The following ZDHHC14 variants were observed in gnomAD, a reference collection of about 807,000 sequenced individuals.
ZDHHC14 encodes the protein palmitoyltransferase ZDHHC14.
ZDHHC14 carries 16 observed loss-of-function variants against 47.7 expected under a neutral mutation model. That is an observed-to-expected ratio of 0.34 (90% CI 0.23 to 0.51). The LOEUF is 0.51. Among genes scored for constraint, ZDHHC14 ranks in the 20% least tolerant of loss-of-function variants. ZDHHC14 has a pLI of 0.97. For synonymous variants in ZDHHC14, 293 were observed against 278.9 expected, an observed-to-expected ratio of 1.05 and a Z score of -0.50; for missense variants, 515 against 662.5, an observed-to-expected ratio of 0.78 and a Z score of 2.44.
chr6:157,450,592 C>G (rs576413405), intron 1 of ZDHHC14, among the ~76,000 whole-genome samples: 7 of 151,038 alleles, frequency 4.6e-5, no homozygotes, highest in African/African-American at 1.5e-4. Flanking sequence ...TCTTTGCAAA[C>G]GAAAAGGTCT....
chr6:157,667,448 A>G (rs117020277), intron 8 of ZDHHC14, among the ~76,000 whole-genome samples: 2 of 152,298 alleles, frequency 1.3e-5, no homozygotes, highest in East Asian at 3.9e-4. Flanking sequence ...AGAGAGAGGT[A>G]GAAAGGAAGA....
At chr6:157,620,445 A>C (rs1230194699) in intron 3 of ZDHHC14, among the ~76,000 whole-genome samples, 1 of 152,236 alleles carries the variant, frequency 6.6e-6, no homozygotes. Context: ...GGGGACAAAT[A>C]TTCAAACCCT....
chr6:157,426,613 C>A (rs1413528713), intron 1 of ZDHHC14, among the ~76,000 whole-genome samples: 1 of 152,014 alleles, frequency 6.6e-6, no homozygotes, highest in Non-Finnish European at 1.5e-5. Flanking sequence ...ACTGGGGAAG[C>A]CCTGGCTGTG....
chr6:157,578,680 C>T (rs578067055), intron 2 of ZDHHC14, among the ~76,000 whole-genome samples: 67 of 152,138 alleles, frequency 4.4e-4, no homozygotes, highest in Admixed American at 1.3e-3. Context: ...ATGCTGTTCT[C>T]GTGATAGTGG....
chr6:157,628,634 C>T (rs184512813), intron 4 of ZDHHC14, 148 bp downstream of exon 4: 514 of 1,098,042 alleles, frequency 4.7e-4, no homozygotes, highest in Admixed American at 1.5e-3. Context: ...CAGCCTGCCT[C>T]GCTTTTGTTT....
intron 2 of ZDHHC14, among the ~76,000 whole-genome samples, chr6:157,551,245 C>G (rs956548249): frequency 3.9e-5 from 6 of 152,162 alleles, no homozygotes; most frequent in African/African-American, 1.2e-4. Flanking sequence ...CTGGCCACTG[C>G]AGGGCTCTGA....
intron 5 of ZDHHC14, among the ~76,000 whole-genome samples, chr6:157,643,051 A>C (rs1158114778): frequency 2.0e-5 from 3 of 152,194 alleles, no homozygotes; most frequent in Non-Finnish European, 4.4e-5. Flanking sequence ...TTCTCAAGCA[A>C]ATTACTTCAT....
At chr6:157,493,713 G>A (rs1030277345) in intron 1 of ZDHHC14, among the ~76,000 whole-genome samples, 5 of 152,242 alleles carry the variant, frequency 3.3e-5, no homozygotes, top group African/African-American at 4.8e-5. Flanking sequence ...AGGCATTTTG[G>A]GGTGCAGAAG....
Position 157,427,718 on chromosome 6 carries a change from T to C in ZDHHC14, c.245+45452T>C, listed in dbSNP as rs1778250131. Among the ~76,000 whole-genome samples the C allele has an allele frequency of 6.6e-6, 1 of 152,114 alleles. No homozygotes were observed. Among genetic ancestry groups the C allele is most frequent in the Non-Finnish European group, 1.5e-5 (1 of 68,026 alleles). On this transcript the variant is annotated intron_variant, in intron 1 of 8. Transcript: ENST00000359775. The surrounding 1 kb of genome is among the most constrained non-coding windows in gnomAD (Gnocchi z 4.4). ...TTCTTTTCAGAAATGGCAGATGCGCTAGGGCTGTTCCTCCTGGAGTAGTGG... is the reference window on the plus strand; with the variant it reads ...TTCTTTTCAGAAATGGCAGATGCGCCAGGGCTGTTCCTCCTGGAGTAGTGG...
intron 3 of ZDHHC14, among the ~76,000 whole-genome samples, chr6:157,625,953 C>T (rs1182243695): frequency 1.3e-5 from 2 of 152,164 alleles, no homozygotes; most frequent in East Asian, 1.9e-4. Context: ...CCAGACTCCA[C>T]GAGCAACTGT....
intron 2 of ZDHHC14, among the ~76,000 whole-genome samples, chr6:157,569,259 T>G (rs750821223): frequency 3.3e-5 from 5 of 152,084 alleles, no homozygotes; most frequent in Admixed American, 6.5e-5. Flanking sequence ...TTCTTACATA[T>G]TATAATTTTT....
chr6:157,585,059 T>C (rs141817208), intron 2 of ZDHHC14, among the ~76,000 whole-genome samples: 5,088 of 151,628 alleles, frequency 0.034, 286 homozygotes, highest in African/African-American at 0.12. Context: ...ACAAAAAAAT[T>C]AGCTGGGTGT....
chr6:157,411,915 A>G (rs137979079), intron 1 of ZDHHC14, among the ~76,000 whole-genome samples: 27 of 151,430 alleles, frequency 1.8e-4, no homozygotes, highest in African/African-American at 5.3e-4. Flanking sequence ...TTGGAGAGAT[A>G]TATACATATA....
At chr6:157,606,970 C>T (rs546973902) in intron 3 of ZDHHC14, among the ~76,000 whole-genome samples, 2 of 152,314 alleles carry the variant, frequency 1.3e-5, no homozygotes, top group East Asian at 3.9e-4. Context: ...TTGCAGATAG[C>T]TCAGCATAAC....
chr6:157,668,571 G>A (rs1245317352), intron 8 of ZDHHC14, among the ~76,000 whole-genome samples: 10 of 151,196 alleles, frequency 6.6e-5, no homozygotes, highest in Non-Finnish European at 1.0e-4. Flanking sequence ...ATGGTGGTGC[G>A]TGCCTGTAGT....
rs1201629436 is a variant in ZDHHC14, at chr6:157,502,149, A to G, written c.246-40436A>G. Among the ~76,000 whole-genome samples, 2 of 152,244 alleles carry G rather than the reference A, an allele frequency of 1.3e-5. No homozygotes were observed. The highest frequency in any genetic ancestry group is 2.9e-5 in the Non-Finnish European group (2 of 68,042). On this transcript the variant is annotated intron_variant, in intron 1 of 8. Coordinates refer to ENST00000359775, the MANE Select transcript of ZDHHC14 (RefSeq NM_024630.3). This position sits in a 1 kb window ranked among gnomAD's most constrained non-coding sequence, Gnocchi z 4.0. ...AGATGTCTTTCTCAGGGCCCACAGG[A>G]GTAACCAGCAGGACCAGTGGTCACA...
At position 157,447,422 on chromosome 6, in the gene ZDHHC14, G is replaced by A. The variant is rs557698290; in HGVS notation, c.245+65156G>A. On this transcript the variant is annotated intron_variant, in intron 1 of 8. Coordinates refer to ENST00000359775, the MANE Select transcript of ZDHHC14 (RefSeq NM_024630.3). ...CTGAGCCCCTTACGGAGGCTGCACAGGCTCTTCCTTGGGTTTAGTCTCCCC... is the reference window on the plus strand; with the variant it reads ...CTGAGCCCCTTACGGAGGCTGCACAAGCTCTTCCTTGGGTTTAGTCTCCCC... Among the ~76,000 whole-genome samples the A allele has an allele frequency of 2.8e-3, 430 of 152,362 alleles. 1 individual carries two copies. The highest frequency in any genetic ancestry group is 4.9e-3 in the Non-Finnish European group (330 of 68,032).
intron 8 of ZDHHC14, among the ~76,000 whole-genome samples, chr6:157,663,261 G>T (rs1329398936): frequency 6.6e-6 from 1 of 152,184 alleles, no homozygotes; most frequent in African/African-American, 2.4e-5. Flanking sequence ...GTTCTGTGTG[G>T]CCCCACAGGT....
At position 157,677,954 on chromosome 6, in the gene ZDHHC14, ATT is replaced by A. The variant is rs1445710454; in HGVS notation, c.*4835_*4836del. 1 of 142,516 alleles carries A rather than the reference ATT, an allele frequency of 7.0e-6. No homozygotes were observed. Among genetic ancestry groups the A allele is most frequent in the South Asian group, 2.3e-4 (1 of 4,414 alleles). The allele number at this position is 142,516 out of a possible 1,614,324, so 8.8% of individuals were successfully genotyped here. A position where few individuals can be genotyped will look rare whatever the true frequency, so the allele number is the denominator to read the frequency against. ...TTTTGGCATGGAAAAAAAAAAAAGC[ATT>A]TTAAACTCTTAGTGAATTCAAAGCT... On this transcript the variant is annotated 3_prime_UTR_variant, in exon 9 of 9. Transcript: ENST00000359775.
Sources: gnomAD v4.1 joint callset for allele counts (sites outside exome capture counted in the v4.1 genomes callset) on GRCh38, gnomAD v4.1.1 for gene constraint, Gnocchi (gnomAD v3.1) non-coding constraint, MANE v1.5 for transcripts, NCBI Gene and HGNC (gene_info 2026-07-23, HGNC 2026-07-21) for gene names.